The following SVEP1 variants were observed in gnomAD, a reference collection of about 807,000 sequenced individuals.
SVEP1 encodes sushi, von Willebrand factor type A, EGF and pentraxin domain-containing protein 1.
In SVEP1, 164 loss-of-function variants were observed where a neutral mutation model predicts 367.3. That is an observed-to-expected ratio of 0.45 (90% CI 0.39 to 0.51). SVEP1 has a LOEUF of 0.51. SVEP1 is among the 20% of genes least tolerant of loss of function. SVEP1 has a pLI of 0.00. For synonymous variants in SVEP1, 1,666 were observed against 1,611.6 expected (o/e 1.03, Z -0.81); for missense variants, 4,117 against 4,425.3 (o/e 0.93, Z 1.98).
chr9:110,455,162 T>C (rs145735416), intron 22 of SVEP1, among the ~76,000 whole-genome samples: 2 of 152,140 alleles, frequency 1.3e-5, no homozygotes, highest in Non-Finnish European at 2.9e-5. Context: ...TCCACAGAAA[T>C]TGGCATATAC....
chr9:110,441,917 C>A (rs75454319), intron 27 of SVEP1, among the ~76,000 whole-genome samples: 4,860 of 152,266 alleles, frequency 0.032, 76 homozygotes, highest in Middle Eastern at 0.058. Flanking sequence ...AGGGTGAAAA[C>A]CTCAATCCTT....
At chr9:110,402,480 A>G (rs1827879229) in intron 39 of SVEP1, among the ~76,000 whole-genome samples, 1 of 152,178 alleles carries the variant, frequency 6.6e-6, no homozygotes, top group African/African-American at 2.4e-5. Flanking sequence ...AAAAGGGTCT[A>G]TTCTACTTTT....
At chr9:110,453,211 T>C (rs996340977) in intron 22 of SVEP1, among the ~76,000 whole-genome samples, 5 of 152,162 alleles carry the variant, frequency 3.3e-5, no homozygotes, top group Non-Finnish European at 7.3e-5. Flanking sequence ...CTTTTTAGTA[T>C]AATAATGATG....
chr9:110,551,936 T>C (rs1830291889), intron 1 of SVEP1, among the ~76,000 whole-genome samples: 1 of 151,988 alleles, frequency 6.6e-6, no homozygotes, highest in Admixed American at 6.6e-5. Flanking sequence ...CAGGTCCTCT[T>C]TCCATCTGGA....
intron 1 of SVEP1, among the ~76,000 whole-genome samples, chr9:110,564,333 A>G (rs756878396): frequency 1.3e-5 from 2 of 152,244 alleles, no homozygotes; most frequent in Non-Finnish European, 2.9e-5. Context: ...TCTTCTTACC[A>G]GGTATTTTAA....
chr9:110,577,205 T>C (rs1443654515), intron 1 of SVEP1, among the ~76,000 whole-genome samples: 1 of 152,100 alleles, frequency 6.6e-6, no homozygotes, highest in African/African-American at 2.4e-5. Context: ...AGAATAGATT[T>C]TTTAAAAGGA....
intron 47 of SVEP1, among the ~76,000 whole-genome samples, chr9:110,366,860 G>A (rs1451662311): frequency 1.3e-5 from 2 of 152,168 alleles, no homozygotes; most frequent in African/African-American, 4.8e-5. Flanking sequence ...TGGAGCTAAT[G>A]AACCTAAAGG....
intron 3 of SVEP1, among the ~76,000 whole-genome samples, chr9:110,523,244 C>T (rs1453063327): frequency 6.6e-6 from 1 of 152,150 alleles, no homozygotes; most frequent in Non-Finnish European, 1.5e-5. Flanking sequence ...CTCTGCAAGT[C>T]GTCTTCATTT....
At chr9:110,367,482 A>C (rs1286720940) in intron 47 of SVEP1, among the ~76,000 whole-genome samples, 1 of 152,102 alleles carries the variant, frequency 6.6e-6, no homozygotes, top group African/African-American at 2.4e-5. Context: ...TACAAACTTT[A>C]AGGCATTCAG....
At chr9:110,433,465 C>CT (rs11300153) in intron 30 of SVEP1, among the ~76,000 whole-genome samples, 2,209 of 119,952 alleles carry the variant, frequency 0.018, 42 homozygotes, top group African/African-American at 0.046. Context: ...TTTTGTATTA[C>CT]TTTTTTTTTT....
At chr9:110,415,263 C>A (rs1828101723) in intron 36 of SVEP1, among the ~76,000 whole-genome samples, 1 of 151,888 alleles carries the variant, frequency 6.6e-6, no homozygotes, top group Non-Finnish European at 1.5e-5. Context: ...GTGGATCTTG[C>A]CCTTATAATT....
chr9:110,566,951 T>C (rs1830501014), intron 1 of SVEP1, among the ~76,000 whole-genome samples: 1 of 152,222 alleles, frequency 6.6e-6, no homozygotes, highest in Admixed American at 6.5e-5. Flanking sequence ...ACACTTTATA[T>C]TGCTCTCTCG....
At chr9:110,514,799 G>A (rs2118780227) in intron 3 of SVEP1, among the ~76,000 whole-genome samples, 1 of 152,256 alleles carries the variant, frequency 6.6e-6, no homozygotes, top group South Asian at 2.1e-4. Context: ...GTCCCCTATA[G>A]CCCAACTCCC....
At chr9:110,396,266 T>C (rs1028330321) in intron 40 of SVEP1, among the ~76,000 whole-genome samples, 26 of 151,008 alleles carry the variant, frequency 1.7e-4, no homozygotes, top group African/African-American at 6.3e-4. Flanking sequence ...CATAACGAAA[T>C]GAAGGCAGAA....
At chr9:110,462,515 A>G (rs1828872342) in intron 18 of SVEP1, among the ~76,000 whole-genome samples, 1 of 150,700 alleles carries the variant, frequency 6.6e-6, no homozygotes, top group Admixed American at 6.7e-5. Context: ...ACATACACAT[A>G]TACATAATAG....
At chr9:110,486,216 T>C (rs1045229115) in intron 9 of SVEP1, among the ~76,000 whole-genome samples, 22 of 152,258 alleles carry the variant, frequency 1.4e-4, no homozygotes, top group African/African-American at 5.1e-4. Context: ...CAGCAGTATT[T>C]ACTATTTTGC....
intron 5 of SVEP1, among the ~76,000 whole-genome samples, chr9:110,511,343 A>C (rs1463935288): frequency 6.6e-6 from 1 of 151,728 alleles, no homozygotes; most frequent in African/African-American, 2.4e-5. Context: ...AAAAGAGTCT[A>C]TTTCCTGTGA....
At chr9:110,385,527 C>T (rs1043549502) in intron 43 of SVEP1, among the ~76,000 whole-genome samples, 2 of 152,264 alleles carry the variant, frequency 1.3e-5, no homozygotes, top group South Asian at 2.1e-4. Context: ...GATGCAGGCT[C>T]AAGTTTGAGA....
intron 36 of SVEP1, among the ~76,000 whole-genome samples, chr9:110,422,858 A>T (rs1828182834): frequency 1.3e-5 from 1 of 76,544 alleles, no homozygotes; most frequent in African/African-American, 5.9e-5. Context: ...TTCTCAGTAA[A>T]CTATCGCAAG....
Sources: gnomAD v4.1 joint callset for allele counts (sites outside exome capture counted in the v4.1 genomes callset) on GRCh38, gnomAD v4.1.1 for gene constraint, MANE v1.5 for transcripts, NCBI Gene and HGNC (gene_info 2026-07-23, HGNC 2026-07-21) for gene names.